The following IL1RAP variants were observed in gnomAD, a reference collection of about 807,000 sequenced individuals.
The protein encoded by IL1RAP is interleukin-1 receptor accessory protein.
IL1RAP carries 35 observed loss-of-function variants against 60.7 expected under a neutral mutation model. The observed-to-expected ratio is 0.58, with a 90% CI of 0.44 to 0.76. The LOEUF is 0.76. Among genes scored for constraint, IL1RAP ranks in the 30% least tolerant of loss-of-function variants. The probability of loss-of-function intolerance (pLI) is 0.00; values close to 1 mark genes in which losing one functional copy is unlikely to be tolerated. For missense variants in IL1RAP, 572 were observed against 693.9 expected (o/e 0.82, Z 1.97); for synonymous variants, 268 against 250.9 (o/e 1.07, Z -0.64).
Position 190,650,305 on chromosome 3 carries a change from A to G in IL1RAP, c.*1600A>G, listed in dbSNP as rs535166641. 2.9e-5 allele frequency: 29 copies of G among 984,986 alleles called. No homozygotes were observed. The highest frequency in any genetic ancestry group is 3.3e-5 in the Non-Finnish European group (27 of 829,666). 61.0% of individuals were successfully genotyped at this position (984,986 alleles called of 1,614,324 possible). On this transcript the variant is annotated 3_prime_UTR_variant, in exon 12 of 12. Transcript: ENST00000447382. The stretch of plus-strand genomic sequence containing the variant: ...AATAACTTAAGTATTGCTACAGTTT[A>G]TCTAGGTTGCAGTGGCATCTGCTGT...
At chr3:190,576,266 A>C (rs1255545389) in intron 3 of IL1RAP, among the ~76,000 whole-genome samples, 1 of 152,234 alleles carries the variant, frequency 6.6e-6, no homozygotes, top group East Asian at 1.9e-4. Context: ...GACTACATAA[A>C]GATTTTAAAA....
chr3:190,517,254 A>C (rs1285833010), intron 1 of IL1RAP, among the ~76,000 whole-genome samples: 2 of 152,192 alleles, frequency 1.3e-5, no homozygotes, highest in African/African-American at 4.8e-5. Context: ...AGAAGACATA[A>C]AGTACAGAAT....
chr3:190,566,789 T>C (rs1228229661), intron 3 of IL1RAP, among the ~76,000 whole-genome samples: 1 of 152,160 alleles, frequency 6.6e-6, no homozygotes, highest in Non-Finnish European at 1.5e-5. Context: ...GGCTCTGGGC[T>C]AGTGGGGGAA....
At chr3:190,560,407 A>T (rs1420708886) in intron 2 of IL1RAP, among the ~76,000 whole-genome samples, 1 of 152,218 alleles carries the variant, frequency 6.6e-6, no homozygotes, top group Non-Finnish European at 1.5e-5. Context: ...CCATGGCAGA[A>T]TGAAGCAGGT....
intron 1 of IL1RAP, among the ~76,000 whole-genome samples, chr3:190,553,200 G>A (rs943547853): frequency 6.6e-6 from 1 of 152,160 alleles, no homozygotes; most frequent in African/African-American, 2.4e-5. Context: ...AGGCCCGCAA[G>A]GAAGTATTTT....
At chr3:190,612,360 T>A (rs1438445444) in intron 5 of IL1RAP, among the ~76,000 whole-genome samples, 1 of 152,172 alleles carries the variant, frequency 6.6e-6, no homozygotes. Context: ...GGTTTTAATC[T>A]CGAACCTTAT....
chr3:190,620,217 G>A, intron 5 of IL1RAP, 58 bp from the exon 6 acceptor site: 6 of 932,612 alleles, frequency 6.4e-6, no homozygotes, highest in Non-Finnish European at 6.4e-6. Flanking sequence ...GCGTGTGTTT[G>A]TATGTTTTCT....
intron 1 of IL1RAP, among the ~76,000 whole-genome samples, chr3:190,551,146 T>C (rs1463259401): frequency 6.6e-6 from 1 of 152,208 alleles, no homozygotes; most frequent in Non-Finnish European, 1.5e-5. Context: ...GAAAGTGACA[T>C]TCTCTACTGA....
chr3:190,537,521 A>C (rs77701347), intron 1 of IL1RAP, among the ~76,000 whole-genome samples: 6,998 of 152,252 alleles, frequency 0.046, 441 homozygotes, highest in African/African-American at 0.14. Context: ...AGGCTGCTGA[A>C]TGGTGAACAC....
chr3:190,574,339 A>G (rs1328790779), intron 3 of IL1RAP, among the ~76,000 whole-genome samples: 1 of 152,206 alleles, frequency 6.6e-6, no homozygotes, highest in Middle Eastern at 3.2e-3. Flanking sequence ...TTCTCAAAGG[A>G]AAGCAGTTCT....
chr3:190,532,261 C>CTTTTTTTT (rs370264409), intron 1 of IL1RAP, among the ~76,000 whole-genome samples: 1 of 128,284 alleles, frequency 7.8e-6, no homozygotes, highest in Non-Finnish European at 1.6e-5. Flanking sequence ...AATCATCTTT[C>CTTTTTTTT]TTTTTTTTTT....
chr3:190,531,379 C>G (rs981889717), intron 1 of IL1RAP, among the ~76,000 whole-genome samples: 1 of 152,138 alleles, frequency 6.6e-6, no homozygotes, highest in Non-Finnish European at 1.5e-5. Context: ...TGTTCTGTTT[C>G]CTCACTTTCC....
rs767720285 is a variant in IL1RAP at position 190,604,229 on chromosome 3, T to G, written c.166T>G (p.Phe56Val). The G allele has an allele frequency of 1.2e-5, 19 of 1,614,094 alleles. No homozygotes were observed. Among genetic ancestry groups the G allele is most frequent in the Non-Finnish European group, 1.3e-5 (15 of 1,179,998 alleles). ...CCCACTCTTTGAACACTTCTTGAAA[T>G]TCAACTACAGCACAGCCCATTCAGC... Reference protein sequence around the residue: ...KCPLFEHFLKFNYSTAHSAGL... With the variant: ...KCPLFEHFLKVNYSTAHSAGL... Residue 56 changes from phenylalanine to valine, a missense_variant, in exon 4 of 12, where the codon TTC becomes GTC. Physicochemically the swap from Phe to Val is conservative, Grantham distance 50. Coordinates refer to ENST00000447382, the MANE Select transcript of IL1RAP (RefSeq NM_002182.4).
At chr3:190,594,629 A>G (rs1729225818) in intron 3 of IL1RAP, among the ~76,000 whole-genome samples, 1 of 152,158 alleles carries the variant, frequency 6.6e-6, no homozygotes, top group East Asian at 1.9e-4. Context: ...AAGCTGGGAA[A>G]TGTTACTTTT....
In IL1RAP at chr3:190,650,489, G is replaced by A. The variant is rs2108869130; in HGVS notation, c.*1784G>A. 1 of 983,460 alleles carries A rather than the reference G, an allele frequency of 1.0e-6. No homozygotes were observed. Among genetic ancestry groups the A allele is most frequent in the South Asian group, 4.7e-5 (1 of 21,244 alleles). The allele number at this position is 983,460 out of a possible 1,614,324, so 60.9% of individuals were successfully genotyped here. On this transcript the variant is annotated 3_prime_UTR_variant, in exon 12 of 12. Transcript: ENST00000447382. ...AGTGATAAAGGAAACAAATATAACT[G>A]TAAATGAATCTTGGTATCCTGTGAA... is the stretch of plus-strand genomic sequence containing the variant.
chr3:190,567,482 T>A (rs1726519069), intron 3 of IL1RAP, among the ~76,000 whole-genome samples: 1 of 152,310 alleles, frequency 6.6e-6, no homozygotes, highest in Admixed American at 6.5e-5. Context: ...GTAAGACAAG[T>A]TAGGATCAAA....
intron 4 of IL1RAP, among the ~76,000 whole-genome samples, 161 bp from the exon 5 acceptor site, chr3:190,608,834 G>GTGAATTCA (rs1286093505): frequency 7.2e-5 from 11 of 151,982 alleles, no homozygotes; most frequent in East Asian, 1.9e-4. Context: ...ATGTCAATTC[G>GTGAATTCA]TGTAGGAAAT....
chr3:190,652,031 G>A (rs993951321), downstream of IL1RAP, among the ~76,000 whole-genome samples: 4 of 152,108 alleles, frequency 2.6e-5, no homozygotes, highest in African/African-American at 7.2e-5. Flanking sequence ...CATGACTTTA[G>A]TTAATTGATG....
At position 190,644,391 on chromosome 3, in the gene IL1RAP, A is replaced by G. The variant is rs765508064; in HGVS notation, c.1195A>G (p.Ile399Val). The G allele has an allele frequency of 5.0e-6, 8 of 1,612,712 alleles. No homozygotes were observed. The highest frequency in any genetic ancestry group is 2.2e-5 in the South Asian group (2 of 90,996). Residue 399 changes from isoleucine to valine, a missense_variant, in exon 10 of 12, where the codon ATT becomes GTT. Ile to Val is a conservative substitution (Grantham distance 29, BLOSUM62 3). Coordinates refer to ENST00000447382, the MANE Select transcript of IL1RAP (RefSeq NM_002182.4). ...YRAHFGTDETILDGKEYDIYV... is the reference protein window; with the variant it reads ...YRAHFGTDETVLDGKEYDIYV... ...GGCTCATTTTGGAACAGATGAAACC[A>G]TTTTAGGTAAGTAACAGAAATTTGA...
Sources: allele counts gnomAD v4.1 joint callset (sites outside exome capture counted in the v4.1 genomes callset), GRCh38; gene constraint gnomAD v4.1.1; transcripts MANE v1.5; gene names NCBI Gene and HGNC (gene_info 2026-07-23, HGNC 2026-07-21).